Variants in TAX1BP1 observed in about 807,000 individuals in gnomAD.
TAX1BP1 encodes tax1-binding protein 1.
Under a neutral mutation model 97.7 loss-of-function variants are expected in TAX1BP1, and 62 were observed. The observed-to-expected ratio is 0.63, with a 90% CI of 0.52 to 0.78. The LOEUF is 0.78. Ranked by LOEUF, TAX1BP1 falls within the 30% of genes least tolerant of loss-of-function variation. The probability of loss-of-function intolerance (pLI) is 0.00; values close to 1 mark genes in which losing one functional copy is unlikely to be tolerated. For synonymous variants in TAX1BP1, 340 were observed against 304.2 expected, an observed-to-expected ratio of 1.12 and a Z score of -1.23; for missense variants, 867 against 916.1, an observed-to-expected ratio of 0.95 and a Z score of 0.69.
At chr7:27,783,064 A>G (rs1367021727) in intron 5 of TAX1BP1, among the ~76,000 whole-genome samples, 1 of 152,106 alleles carries the variant, frequency 6.6e-6, no homozygotes, top group Non-Finnish European at 1.5e-5. Context: ...TTAGTTTAGG[A>G]GTGGGAGGAA....
At chr7:27,787,286 C>G in intron 7 of TAX1BP1, 132 bp from the exon 8 acceptor site, 1 of 754,674 alleles carries the variant, frequency 1.3e-6, no homozygotes, top group South Asian at 3.0e-5. Context: ...ACCTGGGTCT[C>G]CTAAATCCTA....
At chr7:27,779,191 A>G (rs1789150189) in intron 5 of TAX1BP1, among the ~76,000 whole-genome samples, 1 of 152,048 alleles carries the variant, frequency 6.6e-6, no homozygotes, top group Admixed American at 6.6e-5. Flanking sequence ...AGGCCTCACT[A>G]TGTTTCCCAG....
chr7:27,828,885 C>G lies in TAX1BP1; in HGVS notation c.*56C>G, dbSNP rs1054902562. 8.7e-7 allele frequency: 1 copy of G among 1,147,946 alleles called. No homozygotes were observed. The highest frequency in any genetic ancestry group is 1.3e-6 in the Non-Finnish European group (1 of 797,468). The allele number at this position is 1,147,946 out of a possible 1,614,324, so 71.1% of individuals were successfully genotyped here. A position where few individuals can be genotyped will look rare whatever the true frequency, so the allele number is the denominator to read the frequency against. On this transcript the variant is annotated 3_prime_UTR_variant, in exon 17 of 17. Transcript: ENST00000396319. ...GCAGTAAAAAAAAAAAAAAAAACCA[C>G]ACCTAAAATAGACCACTGAGGAGAC...
intron 7 of TAX1BP1, 139 bp downstream of exon 7, chr7:27,785,628 A>T: frequency 1.4e-6 from 1 of 698,042 alleles, no homozygotes; most frequent in South Asian, 1.9e-5. Context: ...TGCAGTCAGG[A>T]TGTTGGCAAG....
At chr7:27,803,689 A>T (rs1790228179) in intron 13 of TAX1BP1, among the ~76,000 whole-genome samples, 1 of 152,228 alleles carries the variant, frequency 6.6e-6, no homozygotes, top group Non-Finnish European at 1.5e-5. Context: ...TAGAGAAAAA[A>T]AAAGCCAGTT....
chr7:27,818,081 T>C (rs1790846051), intron 15 of TAX1BP1, among the ~76,000 whole-genome samples: 2 of 152,216 alleles, frequency 1.3e-5, no homozygotes, highest in Admixed American at 1.3e-4. Flanking sequence ...TTCACACCTT[T>C]ACTTCACATT....
At chr7:27,806,317 C>G (rs1245444690) in intron 13 of TAX1BP1, among the ~76,000 whole-genome samples, 1 of 151,498 alleles carries the variant, frequency 6.6e-6, no homozygotes, top group Non-Finnish European at 1.5e-5. Context: ...AACTCCTGAC[C>G]TCAGGTGATC....
At chr7:27,806,199 C>T (rs1790331453) in intron 13 of TAX1BP1, among the ~76,000 whole-genome samples, 1 of 151,834 alleles carries the variant, frequency 6.6e-6, no homozygotes, top group South Asian at 2.1e-4. Context: ...AATTCTCCTG[C>T]TTCAGCCTCC....
chr7:27,766,042 A>G (rs747487498), intron 4 of TAX1BP1, 21 bp downstream of exon 4: 1 of 1,601,040 alleles, frequency 6.2e-7, no homozygotes, highest in Non-Finnish European at 8.5e-7. Context: ...ACAGTGAGAT[A>G]GTGATTCATT....
In TAX1BP1 at chr7:27,816,964, G is replaced by C; in HGVS notation, c.2011G>C (p.Asp671His). 1 of 1,614,110 alleles carries C rather than the reference G, an allele frequency of 6.2e-7. No individual in the cohort carries two copies. Among genetic ancestry groups the C allele is most frequent in the Non-Finnish European group, 8.5e-7 (1 of 1,179,978 alleles). Residue 671 changes from aspartate to histidine, a missense_variant, in exon 15 of 17, where the codon GAC becomes CAC. This residue lies in a region of TAX1BP1 where 822 missense variants were observed against 851.4 expected (regional missense o/e 0.97). Coordinates refer to ENST00000396319, the MANE Select transcript of TAX1BP1 (RefSeq NM_006024.7). The stretch of plus-strand genomic sequence containing the variant: ...CAGAGTCCCCTCTTGGGGACTGGAA[G>C]ACAATGTTGTCTGCAGCCAGCCTGC... ...PVRVPSWGLE[D>H]NVVCSQPARN...
chr7:27,823,011 AT>A, intron 15 of TAX1BP1, among the ~76,000 whole-genome samples: 1 of 152,268 alleles, frequency 6.6e-6, no homozygotes, highest in East Asian at 1.9e-4. Flanking sequence ...ATTATTTTTA[AT>A]TTTTGAATAT....
chr7:27,828,831 T>TA lies in TAX1BP1; in HGVS notation c.*3dup. 3 of 1,573,306 alleles carry TA rather than the reference T, an allele frequency of 1.9e-6. No individual in the cohort carries two copies. Among genetic ancestry groups the TA allele is most frequent in the Non-Finnish European group, 2.6e-6 (3 of 1,147,634 alleles). ...CAGAATGTTCTAAATTTTGACTAGT[T>TA]ACTTTTTATTATGAGTTAATATAGT... is the stretch of plus-strand genomic sequence containing the variant. On this transcript the variant is annotated 3_prime_UTR_variant, in exon 17 of 17. Coordinates refer to ENST00000396319, the MANE Select transcript of TAX1BP1 (RefSeq NM_006024.7).
At chr7:27,791,138 G>A (rs1321136393) in intron 8 of TAX1BP1, among the ~76,000 whole-genome samples, 1 of 151,684 alleles carries the variant, frequency 6.6e-6, no homozygotes, top group Non-Finnish European at 1.5e-5. Flanking sequence ...CTTTTTATAG[G>A]TAGATCTATT....
intron 2 of TAX1BP1, among the ~76,000 whole-genome samples, chr7:27,751,692 C>G (rs1788025136): frequency 1.3e-5 from 2 of 152,074 alleles, no homozygotes; most frequent in South Asian, 4.1e-4. Context: ...ACCATATTGA[C>G]AAGCAGGCAG....
At chr7:27,824,519 A>C (rs1791095889) in intron 15 of TAX1BP1, among the ~76,000 whole-genome samples, 1 of 135,066 alleles carries the variant, frequency 7.4e-6, no homozygotes, top group Non-Finnish European at 1.5e-5. Flanking sequence ...GTGCCACTGC[A>C]CTCCTGGGTG....
At chr7:27,796,312 T>C in intron 12 of TAX1BP1, 93 bp downstream of exon 12, 1 of 1,062,072 alleles carries the variant, frequency 9.4e-7, no homozygotes, top group African/African-American at 1.6e-5. Context: ...TCTTTGAGTT[T>C]CTTTTCCATC....
intron 13 of TAX1BP1, among the ~76,000 whole-genome samples, chr7:27,811,627 T>A (rs1790563417): frequency 2.6e-5 from 4 of 152,104 alleles, no homozygotes; most frequent in Admixed American, 2.6e-4. Context: ...AGTTTACATG[T>A]AATAGAATCT....
intron 5 of TAX1BP1, among the ~76,000 whole-genome samples, chr7:27,782,292 A>G (rs1323805440): frequency 6.6e-6 from 1 of 151,958 alleles, no homozygotes; most frequent in African/African-American, 2.4e-5. Context: ...GCTGGAGTGC[A>G]GTGGCATAAT....
chr7:27,792,325 T>A (rs1583712425), intron 9 of TAX1BP1, 95 bp downstream of exon 9: 2 of 1,117,552 alleles, frequency 1.8e-6, no homozygotes, highest in East Asian at 5.2e-5. Flanking sequence ...CAGGTCAGAT[T>A]TCTGCCTTAT....
Sources: gnomAD v4.1 joint callset for allele counts (sites outside exome capture counted in the v4.1 genomes callset) on GRCh38, gnomAD v4.1.1 for gene constraint, gnomAD v4.1.1 regional missense constraint, MANE v1.5 for transcripts, NCBI Gene and HGNC (gene_info 2026-07-23, HGNC 2026-07-21) for gene names.